Variants in LYN observed in about 807,000 individuals in gnomAD.
The protein encoded by LYN is LYN proto-oncogene, Src family tyrosine kinase.
In LYN, 12 loss-of-function variants were observed where a neutral mutation model predicts 65.0. The observed-to-expected ratio is 0.18, with a 90% confidence interval of 0.12 to 0.30. The LOEUF is 0.30. LYN is among the 10% of genes least tolerant of loss of function. The pLI is 1.00. For missense variants in LYN, 380 were observed against 623.2 expected, an observed-to-expected ratio of 0.61 and a Z score of 4.16; for synonymous variants, 222 against 221.2, an observed-to-expected ratio of 1.00 and a Z score of -0.03.
intron 8 of LYN, among the ~76,000 whole-genome samples, chr8:55,958,502 A>G (rs1378294978): frequency 2.0e-5 from 3 of 152,218 alleles, no homozygotes; most frequent in African/African-American, 7.2e-5. Flanking sequence ...TTTGTGTTTT[A>G]GCGATGTTTA....
At chr8:55,925,716 G>T (rs1206174135) in intron 1 of LYN, among the ~76,000 whole-genome samples, 1 of 152,202 alleles carries the variant, frequency 6.6e-6, no homozygotes, top group African/African-American at 2.4e-5. Context: ...GGTGCTGCCT[G>T]TCCACAGTTA....
intron 1 of LYN, among the ~76,000 whole-genome samples, chr8:55,901,826 T>C (rs544440389): frequency 3.9e-5 from 6 of 152,312 alleles, no homozygotes; most frequent in African/African-American, 1.4e-4. Context: ...TTGCATTTCC[T>C]GGCTCAACCA....
At chr8:55,941,159 G>A (rs1213596851) in intron 1 of LYN, among the ~76,000 whole-genome samples, 2 of 152,082 alleles carry the variant, frequency 1.3e-5, no homozygotes, top group Non-Finnish European at 2.9e-5. Flanking sequence ...ACCTGCCCTT[G>A]AAGTCTCAAG....
At chr8:55,918,723 T>C (rs1049750379) in intron 1 of LYN, among the ~76,000 whole-genome samples, 2 of 152,166 alleles carry the variant, frequency 1.3e-5, no homozygotes, top group African/African-American at 4.8e-5. Context: ...AATGAGTCAC[T>C]GAGGCTGAGG....
At chr8:55,899,439 T>C (rs1007894742) in intron 1 of LYN, among the ~76,000 whole-genome samples, 5 of 152,244 alleles carry the variant, frequency 3.3e-5, no homozygotes, top group African/African-American at 1.2e-4. Context: ...GACTTTAGTT[T>C]ATCAAGCAGA....
At position 56,010,572 on chromosome 8, in the gene LYN, TA is replaced by T. The variant is rs878944007; in HGVS notation, c.*477del. On this transcript the variant is annotated 3_prime_UTR_variant, in exon 13 of 13. Coordinates refer to ENST00000519728, the MANE Select transcript of LYN (RefSeq NM_002350.4). ...TTCTTTGTGCTTTGGCTTACTTGTT[TA>T]AAAAAAAAAAAAAACTAATCCAACC... The T allele has an allele frequency of 0.028, 5,602 of 199,142 alleles. 2 individuals are homozygous for T. The highest frequency in any genetic ancestry group is 0.062 in the Middle Eastern group (39 of 632). The allele number at this position is 199,142 out of a possible 1,614,324, so 12.3% of individuals were successfully genotyped here. A position where few individuals can be genotyped will look rare whatever the true frequency, so the allele number is the denominator to read the frequency against.
At chr8:55,986,246 A>C (rs1270531833) in intron 10 of LYN, among the ~76,000 whole-genome samples, 1 of 149,832 alleles carries the variant, frequency 6.7e-6, no homozygotes, top group East Asian at 1.9e-4. Context: ...ATGGCATGGC[A>C]TCCTAGTGAC....
chr8:55,930,387 A>G (rs1175325998), intron 1 of LYN, among the ~76,000 whole-genome samples: 1 of 152,206 alleles, frequency 6.6e-6, no homozygotes, highest in African/African-American at 2.4e-5. Flanking sequence ...ACACTATTAT[A>G]TGTATTTCTG....
chr8:55,991,476 GTCTA>G (rs956326339), intron 10 of LYN, among the ~76,000 whole-genome samples: 4 of 152,194 alleles, frequency 2.6e-5, no homozygotes, highest in African/African-American at 9.7e-5. Flanking sequence ...ATGACTGGAA[GTCTA>G]TCTATCCAGC....
chr8:55,957,693 G>A (rs975243260), intron 8 of LYN, among the ~76,000 whole-genome samples: 2 of 152,110 alleles, frequency 1.3e-5, no homozygotes, highest in Non-Finnish European at 2.9e-5. Flanking sequence ...CTGTAATCCT[G>A]GCACTTCGGG....
chr8:55,957,952 A>G (rs1807167353), intron 8 of LYN, among the ~76,000 whole-genome samples: 1 of 152,132 alleles, frequency 6.6e-6, no homozygotes, highest in East Asian at 1.9e-4. Context: ...ATCTCAAAAA[A>G]TAAATAAATA....
chr8:55,953,798 A>G, intron 7 of LYN, 34 bp from the exon 8 acceptor site: 2 of 1,608,232 alleles, frequency 1.2e-6, no homozygotes, highest in East Asian at 2.2e-5. Context: ...AAAGTATTGC[A>G]TTTCTTAACC....
At chr8:55,977,503 A>C (rs1338642089) in intron 10 of LYN, among the ~76,000 whole-genome samples, 1 of 152,124 alleles carries the variant, frequency 6.6e-6, no homozygotes, top group East Asian at 1.9e-4. Context: ...TCAGCTTTTC[A>C]TGCTCCTAAC....
At position 55,953,956 on chromosome 8, in the gene LYN, C is replaced by G; in HGVS notation, c.762C>G (p.Gly254=). The change falls in exon 8 of 13, where the codon GGC becomes GGG. Residue 254 remains glycine (G), a synonymous_variant. Coordinates refer to ENST00000519728, the MANE Select transcript of LYN (RefSeq NM_002350.4). ...RESIKLVKRL[G]AGQFGEVWMG... is the part of the protein sequence containing the mutation. ...CCATCAAGTTGGTGAAAAGGCTTGG[C>G]GCTGGGCAGTTTGGGGAAGTCTGGA... The G allele has an allele frequency of 1.9e-6, 3 of 1,613,978 alleles. No homozygotes were observed. The highest frequency in any genetic ancestry group is 2.5e-6 in the Non-Finnish European group (3 of 1,179,952).
At chr8:55,890,829 G>A (rs1485103035) in intron 1 of LYN, among the ~76,000 whole-genome samples, 2 of 151,782 alleles carry the variant, frequency 1.3e-5, no homozygotes, top group South Asian at 2.1e-4. Context: ...CTGGGCTCAG[G>A]TGATCCTCCC....
In LYN at chr8:56,013,386, T is replaced by G. The variant is rs1270172869; in HGVS notation, c.*3276T>G. On this transcript the variant is annotated 3_prime_UTR_variant, in exon 13 of 13. Transcript: ENST00000519728. ...TGGTTGGAGCGATTCTTCTCCTGCC[T>G]CAGCCTCCCTAGTAGCTGGAACTAC... The G allele has an allele frequency of 6.6e-6, 1 of 151,926 alleles. No homozygotes were observed. Among genetic ancestry groups the G allele is most frequent in the Admixed American group, 6.6e-5 (1 of 15,232 alleles). 9.4% of individuals were successfully genotyped at this position (151,926 alleles called of 1,614,324 possible).
chr8:55,929,645 G>T (rs531356500), intron 1 of LYN, among the ~76,000 whole-genome samples: 43 of 152,276 alleles, frequency 2.8e-4, no homozygotes, highest in African/African-American at 1.0e-3. Context: ...GACATTTTTG[G>T]TTGTCACAAC....
chr8:55,986,471 TC>T (rs1808076074), intron 10 of LYN, among the ~76,000 whole-genome samples: 1 of 152,196 alleles, frequency 6.6e-6, no homozygotes, highest in Non-Finnish European at 1.5e-5. Context: ...AAACTTTTCT[TC>T]CTGTTTTCTA....
Position 55,950,795 on chromosome 8 carries a change from G to A in LYN, c.487+11G>A. 1 of 1,545,306 alleles carries A rather than the reference G, an allele frequency of 6.5e-7. No individual in the cohort carries two copies. Among genetic ancestry groups the A allele is most frequent in the South Asian group, 1.1e-5 (1 of 89,528 alleles). ...GTGAAACATTAAAAGGTAGGAAATT[G>A]TTCAAAGCCTCTTTTAAAACACTAT... On this transcript the variant is annotated intron_variant, in intron 6 of 12. Coordinates refer to ENST00000519728, the MANE Select transcript of LYN (RefSeq NM_002350.4).
Sources: allele counts gnomAD v4.1 joint callset (sites outside exome capture counted in the v4.1 genomes callset), GRCh38; gene constraint gnomAD v4.1.1; transcripts MANE v1.5; gene names NCBI Gene and HGNC (gene_info 2026-07-23, HGNC 2026-07-21).